Variants in HERC4 observed in about 807,000 individuals in gnomAD.
HERC4 encodes the protein HECT and RLD domain containing E3 ubiquitin protein ligase 4, also known as probable E3 ubiquitin-protein ligase HERC4.
In HERC4, 28 loss-of-function variants were observed where a neutral mutation model predicts 124.3. The ratio of observed to expected loss-of-function variants is 0.23; its 90% CI spans 0.17 to 0.31. The LOEUF (loss-of-function observed/expected upper bound fraction) is 0.31. Ranked by LOEUF, HERC4 falls within the 10% of genes least tolerant of loss-of-function variation. HERC4 has a pLI of 1.00. For missense variants in HERC4, 713 were observed against 1,229.3 expected, an observed-to-expected ratio of 0.58 and a Z score of 6.28; for synonymous variants, 407 against 421.5, an observed-to-expected ratio of 0.97 and a Z score of 0.42.
At chr10:67,956,710 T>A in intron 17 of HERC4, 168 bp downstream of exon 17, 1 of 399,624 alleles carries the variant, frequency 2.5e-6, no homozygotes, top group Non-Finnish European at 4.4e-6. Flanking sequence ...CCTTTTTTTA[T>A]AAATGTTCTC....
intron 3 of HERC4, among the ~76,000 whole-genome samples, chr10:68,062,770 A>G (rs958268526): frequency 6.6e-6 from 1 of 150,556 alleles, no homozygotes; most frequent in Non-Finnish European, 1.5e-5. Flanking sequence ...AAAAAAAATA[A>G]TAAATAAAAA....
At chr10:67,957,124 T>C in intron 16 of HERC4, 148 bp from the exon 17 acceptor site, 2 of 498,358 alleles carry the variant, frequency 4.0e-6, no homozygotes, top group South Asian at 8.1e-5. Context: ...GCTTACAGAA[T>C]TATTAAAAAT....
intron 8 of HERC4, among the ~76,000 whole-genome samples, chr10:68,018,797 A>G (rs2038418680): frequency 6.6e-6 from 1 of 151,996 alleles, no homozygotes. Context: ...ACATTAAAGA[A>G]GTCTGGATGT....
chr10:67,959,317 C>T (rs7907843), intron 16 of HERC4, among the ~76,000 whole-genome samples: 147,262 of 152,250 alleles, frequency 0.97, 71,408 homozygotes, highest in East Asian at 1. Context: ...TATATATCTA[C>T]TAATGTAAGA....
At chr10:67,975,006 T>C (rs918138973) in intron 15 of HERC4, among the ~76,000 whole-genome samples, 2 of 152,090 alleles carry the variant, frequency 1.3e-5, no homozygotes, top group African/African-American at 2.4e-5. Flanking sequence ...CTGGCCAAGA[T>C]GGTGAAACCC....
intron 21 of HERC4, among the ~76,000 whole-genome samples, chr10:67,938,211 C>T (rs905662896): frequency 3.3e-5 from 5 of 149,642 alleles, no homozygotes; most frequent in East Asian, 4.1e-4. Flanking sequence ...GGGAGGCTAA[C>T]GCGGGCAGAT....
chr10:67,932,794 AGCACAC>A lies in HERC4; in HGVS notation c.2655-20_2655-15del. ...ACAAACTCTTGCCTAGAAATGAAAA[AGCACAC>A]ATGTACAGATTATAAAAATCATGTA... On this transcript the variant is annotated splice_polypyrimidine_tract_variant and intron_variant, in intron 22 of 24. Coordinates refer to ENST00000373700, the MANE Select transcript of HERC4 (RefSeq NM_015601.4). 6.3e-7 allele frequency: 1 copy of A among 1,584,726 alleles called. No homozygotes were observed. The highest frequency in any genetic ancestry group is 8.5e-7 in the Non-Finnish European group (1 of 1,171,508).
intron 7 of HERC4, among the ~76,000 whole-genome samples, chr10:68,030,259 G>A (rs2039132372): frequency 6.6e-6 from 1 of 151,690 alleles, no homozygotes; most frequent in African/African-American, 2.4e-5. Context: ...GGCCAACAGG[G>A]TGAAACCCCA....
At chr10:68,034,967 T>G (rs1444644389) in intron 5 of HERC4, among the ~76,000 whole-genome samples, 1 of 152,092 alleles carries the variant, frequency 6.6e-6, no homozygotes, top group African/African-American at 2.4e-5. Flanking sequence ...GCCTGTCACT[T>G]TTGCTCCCAT....
At chr10:67,996,229 G>A (rs553075786) in intron 9 of HERC4, 7 of 375,422 alleles carry the variant, frequency 1.9e-5, no homozygotes, top group Admixed American at 1.4e-4. Flanking sequence ...CTGTGATCAC[G>A]CCACTGCAAT....
intron 23 of HERC4, 21 bp downstream of exon 23, chr10:67,932,576 C>A: frequency 6.3e-7 from 1 of 1,581,366 alleles, no homozygotes. Context: ...TTAACAATAT[C>A]AGAGATTAGT....
At chr10:68,002,599 CTTT>C (rs375700847) in intron 9 of HERC4, among the ~76,000 whole-genome samples, 3 of 132,582 alleles carry the variant, frequency 2.3e-5, no homozygotes, top group Non-Finnish European at 3.2e-5. Context: ...TAAATTTTTA[CTTT>C]TTTTTTTTTT....
chr10:67,996,668 A>C (rs1051697515), intron 9 of HERC4, among the ~76,000 whole-genome samples: 7 of 152,046 alleles, frequency 4.6e-5, no homozygotes, highest in South Asian at 4.2e-4. Context: ...TAGCATAGAA[A>C]ACATCTTAGT....
At chr10:67,994,527 A>C (rs534578470) in intron 9 of HERC4, 1 of 152,122 alleles carries the variant, frequency 6.6e-6, no homozygotes, top group East Asian at 1.9e-4. Context: ...CCATCTCCCA[A>C]GTTCAAGCGA....
intron 9 of HERC4, chr10:67,995,205 TAG>T: frequency 4.5e-6 from 2 of 448,878 alleles, no homozygotes; most frequent in Admixed American, 4.8e-5. Flanking sequence ...GGCAGGAGAG[TAG>T]TTCCATCAGG....
intron 4 of HERC4, among the ~76,000 whole-genome samples, chr10:68,042,485 T>C (rs745821827): frequency 3.3e-5 from 5 of 152,180 alleles, no homozygotes; most frequent in Non-Finnish European, 4.4e-5. Flanking sequence ...TGGCCAAGCA[T>C]AGTGGTGCAC....
chr10:67,977,527 G>A (rs1221648394), intron 15 of HERC4, among the ~76,000 whole-genome samples: 2 of 152,072 alleles, frequency 1.3e-5, no homozygotes, highest in Non-Finnish European at 2.9e-5. Context: ...TGAGAAAAGT[G>A]GAGGAAAAGT....
At chr10:67,977,459 C>A (rs2035663668) in intron 15 of HERC4, among the ~76,000 whole-genome samples, 1 of 152,148 alleles carries the variant, frequency 6.6e-6, no homozygotes, top group African/African-American at 2.4e-5. Flanking sequence ...AACTTCCTGG[C>A]TTCAGGTGAG....
chr10:68,062,315 C>T (rs1409891716), intron 3 of HERC4, among the ~76,000 whole-genome samples: 2 of 152,074 alleles, frequency 1.3e-5, no homozygotes, highest in Non-Finnish European at 1.5e-5. Context: ...AATGAATATA[C>T]TAATCTATAG....
Sources: gnomAD v4.1 joint callset for allele counts (sites outside exome capture counted in the v4.1 genomes callset) on GRCh38, gnomAD v4.1.1 for gene constraint, MANE v1.5 for transcripts, NCBI Gene and HGNC (gene_info 2026-07-23, HGNC 2026-07-21) for gene names.